NINJ1: variants seen among roughly 807,000 people sequenced by gnomAD.
The protein encoded by NINJ1 is ninjurin 1, also known as ninjurin-1.
A neutral mutation model predicts 12.7 loss-of-function variants in NINJ1; 6 were observed. The ratio of observed to expected loss-of-function variants is 0.47; its 90% CI spans 0.26 to 0.93. NINJ1 has a LOEUF of 0.93. Ranked by LOEUF, NINJ1 falls within the 40% of genes least tolerant of loss-of-function variation. NINJ1 has a pLI of 0.15. For missense variants in NINJ1, 170 were observed against 213.0 expected (o/e 0.80, Z 1.26); for synonymous variants, 100 against 96.0 (o/e 1.04, Z -0.25).
chr9:93,126,677 G>T (rs188398780), intron 1 of NINJ1, 39 bp from the exon 2 acceptor site: 4 of 1,510,124 alleles, frequency 2.6e-6, no homozygotes, highest in East Asian at 4.5e-5. Flanking sequence ...GGGTGGGGGA[G>T]GGGGGCAAGG....
At chr9:93,130,250 G>A (rs1352921531) in intron 1 of NINJ1, among the ~76,000 whole-genome samples, 2 of 152,152 alleles carry the variant, frequency 1.3e-5, no homozygotes, top group Admixed American at 6.5e-5. Context: ...TTCTGTGGAC[G>A]GTCGGCCTCC....
chr9:93,133,798 T>TG (rs568205454), intron 1 of NINJ1, among the ~76,000 whole-genome samples: 4,169 of 151,052 alleles, frequency 0.028, 70 homozygotes, highest in African/African-American at 0.038. Flanking sequence ...CGCGCGAGAG[T>TG]GGGGGGGAGG....
rs982777841 is a variant in NINJ1 at position 93,121,916 on chromosome 9, G to A, written c.*324C>T. 2 of 152,400 alleles carry A rather than the reference G, an allele frequency of 1.3e-5. No homozygotes were observed. Among genetic ancestry groups the A allele is most frequent in the African/African-American group, 4.8e-5 (2 of 41,470 alleles). 9.4% of individuals were successfully genotyped at this position (152,400 alleles called of 1,614,324 possible). A position where few individuals can be genotyped will look rare whatever the true frequency, so the allele number is the denominator to read the frequency against. ...ATCCACGGACCTGCTGTGTGTCCTT[G>A]AGTGGGTCGAGACCCTTCTCTGGGC... On this transcript the variant is annotated 3_prime_UTR_variant, in exon 4 of 4. Coordinates refer to ENST00000375446, the MANE Select transcript of NINJ1 (RefSeq NM_004148.4).
At chr9:93,132,453 C>G (rs147986421) in intron 1 of NINJ1, among the ~76,000 whole-genome samples, 184 of 152,316 alleles carry the variant, frequency 1.2e-3, no homozygotes, top group African/African-American at 3.8e-3. Context: ...CCACTGTTCC[C>G]TCTGCCTAGA....
chr9:93,126,729 G>A (rs1247055142), intron 1 of NINJ1, 91 bp from the exon 2 acceptor site: 3 of 962,630 alleles, frequency 3.1e-6, no homozygotes, highest in East Asian at 5.1e-5. Context: ...GGGCCCTGCA[G>A]GTGAGGGCTT....
intron 1 of NINJ1, among the ~76,000 whole-genome samples, chr9:93,133,559 T>C (rs1044432686): frequency 8.5e-5 from 13 of 152,284 alleles, no homozygotes; most frequent in East Asian, 7.8e-4. Context: ...CGGCATACAC[T>C]GAAGGCTGTG....
At position 93,124,812 on chromosome 9, in the gene NINJ1, G is replaced by T. The variant is rs114674792; in HGVS notation, c.*9+87C>A. ...TGGCCTAGGAAGGTGTCCAAGGCTG[G>T]CCGGCCAGGGACTCACCACACTGCA... On this transcript the variant is annotated intron_variant, in intron 3 of 3. Coordinates refer to ENST00000375446, the MANE Select transcript of NINJ1 (RefSeq NM_004148.4). The T allele has an allele frequency of 3.6e-4, 511 of 1,423,694 alleles. 1 individual carries two copies. In the African/African-American group the frequency reaches 6.7e-3, roughly 19 times the overall value. 88.2% of individuals were successfully genotyped at this position (1,423,694 alleles called of 1,614,324 possible). A position where few individuals can be genotyped will look rare whatever the true frequency, so the allele number is the denominator to read the frequency against.
intron 3 of NINJ1, among the ~76,000 whole-genome samples, chr9:93,123,482 C>G (rs528642322): frequency 2.4e-4 from 37 of 152,210 alleles, no homozygotes; most frequent in Non-Finnish European, 4.0e-4. Context: ...CACGGTATCT[C>G]CATGTTGGTC....
chr9:93,131,947 G>A (rs1389001672), intron 1 of NINJ1, among the ~76,000 whole-genome samples: 3 of 152,328 alleles, frequency 2.0e-5, no homozygotes, highest in Admixed American at 1.3e-4. Flanking sequence ...TGAGGGAGCT[G>A]GGCAAAGCGC....
intron 1 of NINJ1, 117 bp from the exon 2 acceptor site, chr9:93,126,755 CT>C (rs1203381684): frequency 4.2e-6 from 3 of 715,518 alleles, no homozygotes; most frequent in Non-Finnish European, 4.6e-6. Flanking sequence ...GCCCCCACCC[CT>C]GGTAAGTGCT....
At chr9:93,124,725 G>T (rs1339144314) in intron 3 of NINJ1, among the ~76,000 whole-genome samples, 174 bp downstream of exon 3, 3 of 152,208 alleles carry the variant, frequency 2.0e-5, no homozygotes, top group African/African-American at 7.2e-5. Context: ...AGCACCAGTG[G>T]CAGGGCTGGC....
intron 3 of NINJ1, 117 bp downstream of exon 3, chr9:93,124,782 G>A (rs772317448): frequency 6.3e-6 from 7 of 1,108,396 alleles, no homozygotes; most frequent in Non-Finnish European, 8.8e-6. Flanking sequence ...GGACGAGGAT[G>A]CCCATGGCCT....
At chr9:93,125,126 C>G (rs1346870892) in intron 2 of NINJ1, 64 bp from the exon 3 acceptor site, 1 of 1,520,856 alleles carries the variant, frequency 6.6e-7, no homozygotes, top group Non-Finnish European at 8.9e-7. Flanking sequence ...CAGCCTGGGA[C>G]AGTGGAAGGG....
intron 2 of NINJ1, 115 bp from the exon 3 acceptor site, chr9:93,125,177 G>T: frequency 2.0e-6 from 2 of 980,278 alleles, no homozygotes; most frequent in Non-Finnish European, 3.0e-6. Flanking sequence ...ACATTACAGG[G>T]CTCTCAGTCG....
intron 2 of NINJ1, chr9:93,125,277 G>GGT: frequency 2.2e-6 from 1 of 456,730 alleles, no homozygotes; most frequent in Non-Finnish European, 3.9e-6. Flanking sequence ...CAACCCCACG[G>GGT]TCTATGACCC....
intron 3 of NINJ1, among the ~76,000 whole-genome samples, chr9:93,124,483 G>A (rs567014482): frequency 8.4e-4 from 128 of 152,106 alleles, no homozygotes; most frequent in Non-Finnish European, 1.3e-3. Flanking sequence ...CCCTGTTGGC[G>A]AGGCTGGTCT....
At chr9:93,125,090 C>A (rs751045188) in intron 2 of NINJ1, 28 bp from the exon 3 acceptor site, 3 of 1,592,546 alleles carry the variant, frequency 1.9e-6, no homozygotes, top group Non-Finnish European at 2.6e-6. Flanking sequence ...GTGGATGGTG[C>A]CAAGGGCAGC....
chr9:93,124,257 G>A (rs1216968041), intron 3 of NINJ1, among the ~76,000 whole-genome samples: 2 of 152,186 alleles, frequency 1.3e-5, no homozygotes, highest in Non-Finnish European at 2.9e-5. Flanking sequence ...GACTTATCAA[G>A]AGAAGCCGGA....
chr9:93,122,133 G>A lies in NINJ1; in HGVS notation c.*107C>T, dbSNP rs1305744861. On this transcript the variant is annotated 3_prime_UTR_variant, in exon 4 of 4. Transcript: ENST00000375446. ...GATGAGGCCAGCCTGGGCTCTGGCA[G>A]TCTGGGTAGTGCCATGTGCAGGGAG... is the stretch of plus-strand genomic sequence containing the variant. The A allele has an allele frequency of 6.6e-6, 1 of 152,652 alleles. No individual in the cohort carries two copies. Among genetic ancestry groups the A allele is most frequent in the Non-Finnish European group, 1.5e-5 (1 of 68,352 alleles). The allele number at this position is 152,652 out of a possible 1,614,324, so 9.5% of individuals were successfully genotyped here.
Sources: gnomAD v4.1 joint callset for allele counts (sites outside exome capture counted in the v4.1 genomes callset) on GRCh38, gnomAD v4.1.1 for gene constraint, MANE v1.5 for transcripts, NCBI Gene and HGNC (gene_info 2026-07-23, HGNC 2026-07-21) for gene names.